Variants in PRKCB observed in about 807,000 individuals in gnomAD.
The protein encoded by PRKCB is protein kinase C beta type.
Under a neutral mutation model 81.5 loss-of-function variants are expected in PRKCB, and 13 were observed. The observed-to-expected ratio is 0.16, with a 90% CI of 0.10 to 0.25. The LOEUF (loss-of-function observed/expected upper bound fraction) is 0.25, where lower values mean the gene tolerates loss of function less well. Among genes scored for constraint, PRKCB ranks in the 10% least tolerant of loss-of-function variants. The probability of loss-of-function intolerance (pLI) is 1.00; values close to 1 mark genes in which losing one functional copy is unlikely to be tolerated. For synonymous variants in PRKCB, 335 were observed against 321.4 expected, an observed-to-expected ratio of 1.04 and a Z score of -0.45; for missense variants, 509 against 875.7, an observed-to-expected ratio of 0.58 and a Z score of 5.29.
At chr16:24,144,500 C>A (rs750756198) in intron 9 of PRKCB, among the ~76,000 whole-genome samples, 14 of 152,136 alleles carry the variant, frequency 9.2e-5, no homozygotes, top group Non-Finnish European at 1.6e-4. Flanking sequence ...AGGGTTTCAC[C>A]ATGTTGGCCA....
chr16:23,941,086 T>C (rs761774916), intron 2 of PRKCB, among the ~76,000 whole-genome samples: 2 of 152,136 alleles, frequency 1.3e-5, no homozygotes, highest in Admixed American at 1.3e-4. Context: ...TTGGCAAATG[T>C]TTTCTTACAG....
chr16:24,206,678 G>GAGGACAGAGAA (rs1968051959), intron 16 of PRKCB, among the ~76,000 whole-genome samples: 1 of 152,124 alleles, frequency 6.6e-6, no homozygotes, highest in Non-Finnish European at 1.5e-5. Flanking sequence ...AGAGTTCCTG[G>GAGGACAGAGAA]CCCTTCTTGG....
At chr16:24,110,637 C>T (rs1352163910) in intron 7 of PRKCB, among the ~76,000 whole-genome samples, 2 of 151,556 alleles carry the variant, frequency 1.3e-5, no homozygotes, top group African/African-American at 2.4e-5. Flanking sequence ...CTACCTCAGC[C>T]GCTCAAGTAG....
chr16:24,080,598 G>A (rs1023114990), intron 5 of PRKCB, among the ~76,000 whole-genome samples: 1 of 152,148 alleles, frequency 6.6e-6, no homozygotes. Flanking sequence ...GATAACCAGT[G>A]GACAGTTGTA....
chr16:24,141,526 C>T (rs1466678773), intron 9 of PRKCB, among the ~76,000 whole-genome samples: 1 of 152,192 alleles, frequency 6.6e-6, no homozygotes, highest in East Asian at 1.9e-4. Context: ...GCTTTCCCCT[C>T]CATTCCAGGC....
chr16:23,875,563 A>ATATG (rs34857587), intron 2 of PRKCB, among the ~76,000 whole-genome samples: 1 of 970 alleles, frequency 1.0e-3, no homozygotes, highest in African/African-American at 0.012. Context: ...TATCACACAC[A>ATATG]TGTGTATATC....
intron 2 of PRKCB, among the ~76,000 whole-genome samples, chr16:23,934,424 G>A (rs1175880104): frequency 6.6e-6 from 1 of 150,462 alleles, no homozygotes; most frequent in Non-Finnish European, 1.5e-5. Flanking sequence ...GCGTGGCTTT[G>A]TGGGCTGGAA....
chr16:24,159,924 G>T lies in PRKCB; in HGVS notation c.1239+5067G>T, dbSNP rs573902799. Among the ~76,000 whole-genome samples, 3 of 152,204 alleles carry T rather than the reference G, an allele frequency of 2.0e-5. No individual in the cohort carries two copies. The East Asian group carries it at 5.8e-4, about 29-fold the overall frequency. On this transcript the variant is annotated intron_variant, in intron 10 of 16. Transcript: ENST00000643927. ...CAACTGAGCCTGGGAGGTCAAGGCT[G>T]CAGTGAGCCATGATTGCATCACTGC... is the stretch of plus-strand genomic sequence containing the variant.
At chr16:24,108,964 G>C (rs1247581605) in intron 7 of PRKCB, among the ~76,000 whole-genome samples, 4 of 146,412 alleles carry the variant, frequency 2.7e-5, no homozygotes, top group African/African-American at 5.1e-5. Flanking sequence ...CGGATGGGGG[G>C]GCTGGCCGGG....
At chr16:23,861,235 C>CA (rs1455196268) in intron 2 of PRKCB, among the ~76,000 whole-genome samples, 5 of 151,624 alleles carry the variant, frequency 3.3e-5, no homozygotes, top group Admixed American at 6.6e-5. Context: ...GTGGCACAAA[C>CA]ACAGCTCACT....
chr16:23,947,779 A>G (rs1964222778), intron 2 of PRKCB, among the ~76,000 whole-genome samples: 1 of 151,940 alleles, frequency 6.6e-6, no homozygotes, highest in South Asian at 2.1e-4. Context: ...GGCCTAAACG[A>G]CATCTCCAGG....
chr16:24,131,696 C>G (rs1476699180), intron 9 of PRKCB, among the ~76,000 whole-genome samples: 3 of 152,046 alleles, frequency 2.0e-5, no homozygotes, highest in Non-Finnish European at 1.5e-5. Context: ...GTTTGATGTA[C>G]CAGTTATACA....
At chr16:24,021,898 A>C (rs1381205782) in intron 3 of PRKCB, among the ~76,000 whole-genome samples, 2 of 152,214 alleles carry the variant, frequency 1.3e-5, no homozygotes, top group Non-Finnish European at 2.9e-5. Context: ...AATTGGTGGC[A>C]GTAAAAGTCA....
chr16:24,099,540 T>C (rs1966478793), intron 7 of PRKCB: 1 of 152,194 alleles, frequency 6.6e-6, no homozygotes, highest in Admixed American at 6.5e-5. Context: ...AAGACATAAA[T>C]CAATACATGG....
intron 2 of PRKCB, among the ~76,000 whole-genome samples, chr16:23,928,713 G>A (rs1016294986): frequency 6.6e-6 from 1 of 151,532 alleles, no homozygotes; most frequent in South Asian, 2.1e-4. Flanking sequence ...GTTTTGTTTT[G>A]TTTTGTTTGT....
intron 15 of PRKCB, among the ~76,000 whole-genome samples, chr16:24,190,523 TG>T (rs1031796266): frequency 7.3e-5 from 11 of 150,908 alleles, no homozygotes; most frequent in African/African-American, 2.4e-4. Context: ...TTTTTGGTTT[TG>T]TTTTTTTTTT....
intron 5 of PRKCB, among the ~76,000 whole-genome samples, chr16:24,042,640 A>G (rs373956602): frequency 6.6e-6 from 1 of 151,144 alleles, no homozygotes; most frequent in Non-Finnish European, 1.5e-5. Context: ...TCCCCCAAAC[A>G]CTTCAGCATG....
chr16:24,137,004 A>T (rs911828644), intron 9 of PRKCB, among the ~76,000 whole-genome samples: 26 of 150,746 alleles, frequency 1.7e-4, no homozygotes, highest in Non-Finnish European at 2.8e-4. Context: ...CAGCTTCCCG[A>T]GTAGCTGGGA....
At chr16:23,848,326 A>G (rs1426724566) in intron 2 of PRKCB, among the ~76,000 whole-genome samples, 1 of 152,188 alleles carries the variant, frequency 6.6e-6, no homozygotes, top group Non-Finnish European at 1.5e-5. Flanking sequence ...CTGAAATTCT[A>G]GGCCTGCAGT....
Sources: gnomAD v4.1 joint callset for allele counts (sites outside exome capture counted in the v4.1 genomes callset) on GRCh38, gnomAD v4.1.1 for gene constraint, MANE v1.5 for transcripts, NCBI Gene and HGNC (gene_info 2026-07-23, HGNC 2026-07-21) for gene names.